The following HNRNPA2B1 variants were observed in gnomAD, a reference collection of about 807,000 sequenced individuals.
The protein encoded by HNRNPA2B1 is heterogeneous nuclear ribonucleoprotein A2/B1.
Under a neutral mutation model 46.3 loss-of-function variants are expected in HNRNPA2B1, and 3 were observed. That is an observed-to-expected ratio of 0.06 (90% CI 0.03 to 0.17). The LOEUF (loss-of-function observed/expected upper bound fraction) is 0.17. HNRNPA2B1 is among the 10% of genes least tolerant of loss of function. The pLI, the probability that HNRNPA2B1 is intolerant of heterozygous loss-of-function variation, is 1.00. For missense variants in HNRNPA2B1, 221 were observed against 418.9 expected, an observed-to-expected ratio of 0.53 and a Z score of 4.12; for synonymous variants, 225 against 133.8, an observed-to-expected ratio of 1.68 and a Z score of -4.70.
At position 26,197,034 on chromosome 7, in the gene HNRNPA2B1, G is replaced by T. The variant is rs745417429; in HGVS notation, c.265-17C>A. Reference sequence around the variant, plus strand: ...TCCAGATTCCTAAAATAGTGGTGGGGTAAAAGTCATCCAAACAGAAAAAAA... The same window carrying T: ...TCCAGATTCCTAAAATAGTGGTGGGTTAAAAGTCATCCAAACAGAAAAAAA... On this transcript the variant is annotated splice_polypyrimidine_tract_variant and intron_variant, in intron 3 of 10. Coordinates refer to ENST00000618183, the MANE Select transcript of HNRNPA2B1 (RefSeq NM_002137.4). 4 of 1,584,332 alleles carry T rather than the reference G, an allele frequency of 2.5e-6. No homozygotes were observed. The South Asian group carries it at 4.4e-5, about 18-fold the overall frequency.
In HNRNPA2B1 at chr7:26,192,440, C is replaced by G. The variant is rs183941705; in HGVS notation, c.*21+55G>C. 3 of 1,184,658 alleles carry G rather than the reference C, an allele frequency of 2.5e-6. No individual in the cohort carries two copies. In the East Asian group the frequency reaches 7.0e-5, roughly 28 times the overall value. The allele number at this position is 1,184,658 out of a possible 1,614,324, so 73.4% of individuals were successfully genotyped here. On this transcript the variant is annotated intron_variant, in intron 10 of 10. Coordinates refer to ENST00000618183, the MANE Select transcript of HNRNPA2B1 (RefSeq NM_002137.4). Reference sequence around the variant, plus strand: ...AACATGATCCTAAAAAGCTTTTACTCCTGCAGCTATGTCTCCCAAGATAAT... The same window carrying G: ...AACATGATCCTAAAAAGCTTTTACTGCTGCAGCTATGTCTCCCAAGATAAT...
At chr7:26,192,437 A>C in intron 10 of HNRNPA2B1, 58 bp downstream of exon 10, 1 of 1,130,182 alleles carries the variant, frequency 8.8e-7, no homozygotes, top group Non-Finnish European at 1.3e-6. Flanking sequence ...AAAAGCTTTT[A>C]CTCCTGCAGC....
chr7:26,198,187 C>G, intron 1 of HNRNPA2B1: 1 of 222,978 alleles, frequency 4.5e-6, no homozygotes, highest in Non-Finnish European at 8.6e-6. Context: ...ACTTATGACC[C>G]AAAGTTTTTA....
At position 26,200,671 on chromosome 7, in the gene HNRNPA2B1, G is replaced by A. The variant is rs1030051246; in HGVS notation, c.-94C>T. 25 of 1,517,378 alleles carry A rather than the reference G, an allele frequency of 1.6e-5. No homozygotes were observed. Among genetic ancestry groups the A allele is most frequent in the Non-Finnish European group, 2.0e-5 (22 of 1,096,018 alleles). The allele number at this position is 1,517,378 out of a possible 1,614,324, so 94.0% of individuals were successfully genotyped here. Reference sequence around the variant, plus strand: ...CACGAACCGGACTCGTCCTGGCGCTGTAGTGAGAACTGCCGCTGCTCGAGA... The same window carrying A: ...CACGAACCGGACTCGTCCTGGCGCTATAGTGAGAACTGCCGCTGCTCGAGA... On this transcript the variant is annotated 5_prime_UTR_variant, in exon 1 of 11. Coordinates refer to ENST00000618183, the MANE Select transcript of HNRNPA2B1 (RefSeq NM_002137.4).
chr7:26,190,384 T>C lies in HNRNPA2B1; in HGVS notation c.*1976A>G, dbSNP rs1428174915. On this transcript the variant is annotated 3_prime_UTR_variant, in exon 11 of 11. Transcript: ENST00000618183. ...GGCACCAACAAGAACTACTTTCAGATGGTACAGAATTTCTTATTTCTTGAA... is the reference window on the plus strand; with the variant it reads ...GGCACCAACAAGAACTACTTTCAGACGGTACAGAATTTCTTATTTCTTGAA... 1 of 152,636 alleles carries C rather than the reference T, an allele frequency of 6.6e-6. No homozygotes were observed. Among genetic ancestry groups the C allele is most frequent in the East Asian group, 1.9e-4 (1 of 5,202 alleles). The allele number at this position is 152,636 out of a possible 1,614,324, so 9.5% of individuals were successfully genotyped here.
chr7:26,192,648 T>G, intron 9 of HNRNPA2B1, 71 bp from the exon 10 acceptor site: 1 of 1,234,494 alleles, frequency 8.1e-7, no homozygotes, highest in South Asian at 1.2e-5. Flanking sequence ...ACACTACAGT[T>G]GATTCTATTT....
At chr7:26,200,541 T>C in intron 1 of HNRNPA2B1, 31 bp downstream of exon 1, 1 of 1,612,088 alleles carries the variant, frequency 6.2e-7, no homozygotes, top group East Asian at 2.2e-5. Flanking sequence ...CCATGCCCTT[T>C]TCAATAACTC....
chr7:26,195,983 T>C, intron 6 of HNRNPA2B1, 74 bp from the exon 7 acceptor site: 1 of 1,518,288 alleles, frequency 6.6e-7, no homozygotes, highest in South Asian at 1.3e-5. Context: ...TTTTCAGTTC[T>C]CTTACTACCT....
At chr7:26,195,422 T>C (rs1783450717) in intron 7 of HNRNPA2B1, among the ~76,000 whole-genome samples, 1 of 152,244 alleles carries the variant, frequency 6.6e-6, no homozygotes, top group Non-Finnish European at 1.5e-5. Context: ...TTTTGGAACA[T>C]TTCCGTAGGT....
chr7:26,194,033 G>C (rs1308024936), intron 7 of HNRNPA2B1, among the ~76,000 whole-genome samples: 1 of 152,168 alleles, frequency 6.6e-6, no homozygotes, highest in Non-Finnish European at 1.5e-5. Context: ...GAAAGTAAAA[G>C]AGCACTTCCT....
At chr7:26,199,793 G>A (rs1370362161) in intron 1 of HNRNPA2B1, 1 of 152,134 alleles carries the variant, frequency 6.6e-6, no homozygotes. Context: ...TGGTTTCTTT[G>A]TCCTACGGCT....
chr7:26,197,483 T>G (rs757527893), intron 2 of HNRNPA2B1, 22 bp from the exon 3 acceptor site: 1 of 1,610,752 alleles, frequency 6.2e-7, no homozygotes, highest in Non-Finnish European at 8.5e-7. Flanking sequence ...AAGGGTAAAC[T>G]TTAGCATTTA....
chr7:26,192,249 A>G lies in HNRNPA2B1; in HGVS notation c.*111T>C, dbSNP rs2128107288. 2.4e-6 allele frequency: 1 copy of G among 421,542 alleles called. No homozygotes were observed. Among genetic ancestry groups the G allele is most frequent in the Non-Finnish European group, 4.3e-6 (1 of 233,088 alleles). 26.1% of individuals were successfully genotyped at this position (421,542 alleles called of 1,614,324 possible). A position where few individuals can be genotyped will look rare whatever the true frequency, so the allele number is the denominator to read the frequency against. On this transcript the variant is annotated 3_prime_UTR_variant, in exon 11 of 11. Transcript: ENST00000618183. ...CACTGCATATTTATGCATGACTGAG[A>G]TAAGAGTTTCCTTAACATTGTTATT...
intron 7 of HNRNPA2B1, 137 bp from the exon 8 acceptor site, chr7:26,193,831 C>CAGTCCT: frequency 2.6e-6 from 2 of 760,664 alleles, no homozygotes; most frequent in Non-Finnish European, 4.2e-6. Flanking sequence ...GCTTCAAGGA[C>CAGTCCT]TGAATAACTA....
chr7:26,194,548 C>G (rs1427049660), intron 7 of HNRNPA2B1, among the ~76,000 whole-genome samples: 2 of 151,028 alleles, frequency 1.3e-5, no homozygotes, highest in African/African-American at 4.9e-5. Context: ...CAAAAAAACA[C>G]AAAATTAGCC....
chr7:26,195,259 C>T (rs1401353030), intron 7 of HNRNPA2B1, among the ~76,000 whole-genome samples: 1 of 152,030 alleles, frequency 6.6e-6, no homozygotes, highest in Non-Finnish European at 1.5e-5. Flanking sequence ...GTGGCAACAC[C>T]AGAAATCAAG....
At chr7:26,199,429 A>G (rs1784084332) in intron 1 of HNRNPA2B1, 1 of 152,252 alleles carries the variant, frequency 6.6e-6, no homozygotes, top group Non-Finnish European at 1.5e-5. Context: ...TACAGGAAGG[A>G]GCCTCTGAAG....
At position 26,190,542 on chromosome 7, in the gene HNRNPA2B1, G is replaced by A. The variant is rs1348428925; in HGVS notation, c.*1818C>T. The stretch of plus-strand genomic sequence containing the variant: ...CTAAACAACTTCAGTGGTGGTCTTA[G>A]GATCAAAGAAGACTCATTGGTGTAT... On this transcript the variant is annotated 3_prime_UTR_variant, in exon 11 of 11. Transcript: ENST00000618183. The A allele has an allele frequency of 6.6e-6, 1 of 152,238 alleles. No individual in the cohort carries two copies. Among genetic ancestry groups the A allele is most frequent in the Non-Finnish European group, 1.5e-5 (1 of 68,012 alleles). The allele number at this position is 152,238 out of a possible 1,614,324, so 9.4% of individuals were successfully genotyped here.
In HNRNPA2B1 at chr7:26,196,897, T is replaced by G; in HGVS notation, c.385A>C (p.Ile129Leu). ...GACTGCCTATCAGTAATTATCTCAA[T>G]GGTATCAATTTTTCCATATTCCTCA... Reference protein sequence around the residue: ...YFEEYGKIDTIEIITDRQSGK... With the variant: ...YFEEYGKIDTLEIITDRQSGK... The change falls in exon 4 of 11, where the codon ATT (isoleucine) becomes CTT (leucine). Residue 129 changes from isoleucine to leucine, a missense_variant. Physicochemically the swap from Ile to Leu is conservative, Grantham distance 5 (BLOSUM62 2). Transcript: ENST00000618183. 6.2e-7 allele frequency: 1 copy of G among 1,613,924 alleles called. No individual in the cohort carries two copies. Among genetic ancestry groups the G allele is most frequent in the Non-Finnish European group, 8.5e-7 (1 of 1,179,860 alleles).
Sources: gnomAD v4.1 joint callset for allele counts (sites outside exome capture counted in the v4.1 genomes callset) on GRCh38, gnomAD v4.1.1 for gene constraint, MANE v1.5 for transcripts, NCBI Gene and HGNC (gene_info 2026-07-23, HGNC 2026-07-21) for gene names.